Variants in NCAM2 observed in about 807,000 individuals in gnomAD.
NCAM2 encodes neural cell adhesion molecule 2, also known as N-CAM-2.
In NCAM2, 30 loss-of-function variants were observed where a neutral mutation model predicts 98.1. The observed-to-expected ratio is 0.31, with a 90% CI of 0.23 to 0.41. The LOEUF (loss-of-function observed/expected upper bound fraction) is 0.41. Ranked by LOEUF, NCAM2 falls within the 10% of genes least tolerant of loss-of-function variation. NCAM2 has a pLI of 1.00. For missense variants in NCAM2, 867 were observed against 1,005.8 expected, an observed-to-expected ratio of 0.86 and a Z score of 1.87; for synonymous variants, 368 against 342.4, an observed-to-expected ratio of 1.07 and a Z score of -0.83.
intron 1 of NCAM2, among the ~76,000 whole-genome samples, chr21:21,032,853 A>C (rs984594017): frequency 6.6e-6 from 1 of 152,214 alleles, no homozygotes; most frequent in African/African-American, 2.4e-5. Context: ...AAATGTATTT[A>C]AAACTTTGTC....
At chr21:21,005,086 A>C (rs1157791052) in intron 1 of NCAM2, among the ~76,000 whole-genome samples, 3 of 152,222 alleles carry the variant, frequency 2.0e-5, no homozygotes, top group Non-Finnish European at 4.4e-5. Context: ...GAGCCTCTGC[A>C]CTCAGTTCTG....
At chr21:21,351,040 G>C in intron 8 of NCAM2, among the ~76,000 whole-genome samples, 1 of 147,256 alleles carries the variant, frequency 6.8e-6, no homozygotes, top group East Asian at 2.0e-4. Flanking sequence ...CGTGAACGCG[G>C]GAGGCGGAGG....
intron 7 of NCAM2, among the ~76,000 whole-genome samples, chr21:21,336,913 G>A (rs1254689736): frequency 6.6e-6 from 1 of 152,170 alleles, no homozygotes; most frequent in Non-Finnish European, 1.5e-5. Flanking sequence ...ATGTTTAGGT[G>A]ATGTTCAGAA....
chr21:21,369,978 C>T (rs969156802), intron 8 of NCAM2, among the ~76,000 whole-genome samples: 2 of 151,652 alleles, frequency 1.3e-5, no homozygotes, highest in Non-Finnish European at 2.9e-5. Context: ...ACAGATTCTG[C>T]ACTCTTTAAC....
In NCAM2 at chr21:21,466,613, T is replaced by C. The variant is rs988821430; in HGVS notation, c.1662T>C (p.Val554=). The C allele has an allele frequency of 6.3e-7, 1 of 1,592,114 alleles. No homozygotes were observed. Among genetic ancestry groups the C allele is most frequent in the African/African-American group, 1.4e-5 (1 of 74,022 alleles). ...IVRSHGVQTM[V]VLNNLEPNTT... is the part of the protein sequence containing the mutation. ...GTTTTGTTTTTCTTCTAGCAATGGT[T>C]GTTTTGAACAACCTGGAACCAAATA... Residue 554 remains valine, a synonymous_variant, in exon 13 of 18, where the codon GTT becomes GTC. Transcript: ENST00000400546.
chr21:21,147,809 ATATC>A (rs1399770506), intron 1 of NCAM2, among the ~76,000 whole-genome samples: 1 of 149,868 alleles, frequency 6.7e-6, no homozygotes, highest in Non-Finnish European at 1.5e-5. Context: ...TTGAATATAT[ATATC>A]TGTTGATATG....
At chr21:21,353,607 G>T (rs537565071) in intron 8 of NCAM2, among the ~76,000 whole-genome samples, 1 of 152,126 alleles carries the variant, frequency 6.6e-6, no homozygotes, top group East Asian at 1.9e-4. Flanking sequence ...CTACCTATGA[G>T]GCACAAAATC....
At chr21:21,149,580 C>T (rs753457627) in intron 1 of NCAM2, among the ~76,000 whole-genome samples, 3 of 151,868 alleles carry the variant, frequency 2.0e-5, no homozygotes, top group East Asian at 1.9e-4. Context: ...CCCCACCCCC[C>T]GACAGGGCCC....
At chr21:21,311,174 A>C (rs1032695156) in intron 5 of NCAM2, among the ~76,000 whole-genome samples, 1 of 152,098 alleles carries the variant, frequency 6.6e-6, no homozygotes, top group Non-Finnish European at 1.5e-5. Context: ...TTTTAAAAGA[A>C]TTTTACTTTT....
At position 21,030,137 on chromosome 21, in the gene NCAM2, T is replaced by C. The variant is rs761066251; in HGVS notation, c.55+31519T>C. 3.9e-5 allele frequency among the ~76,000 whole-genome samples: 6 copies of C among 152,180 alleles called. 1 individual carries two copies. The highest frequency in any genetic ancestry group is 3.9e-4 in the Admixed American group (6 of 15,264). On this transcript the variant is annotated intron_variant, in intron 1 of 17. Coordinates refer to ENST00000400546, the MANE Select transcript of NCAM2 (RefSeq NM_004540.5). ...GTTATCTGGTTTTCTTTCCTATTTC[T>C]TGAACATTTACTATGCCAGAATACT...
intron 8 of NCAM2, among the ~76,000 whole-genome samples, chr21:21,350,205 A>G (rs986120156): frequency 2.6e-5 from 4 of 152,118 alleles, no homozygotes; most frequent in Non-Finnish European, 5.9e-5. Flanking sequence ...TATGTACCCC[A>G]AAACTTAAAA....
At chr21:21,411,039 T>TATAG (rs1209757636) in intron 10 of NCAM2, among the ~76,000 whole-genome samples, 1 of 69,132 alleles carries the variant, frequency 1.4e-5, no homozygotes, top group African/African-American at 5.2e-5. Flanking sequence ...TATACACACA[T>TATAG]ATATATATGT....
chr21:21,130,609 A>G (rs2066914287), intron 1 of NCAM2, among the ~76,000 whole-genome samples: 1 of 152,144 alleles, frequency 6.6e-6, no homozygotes, highest in South Asian at 2.1e-4. Flanking sequence ...ATGAATTACT[A>G]TGTTTATATT....
chr21:21,220,908 A>G (rs1305818223), intron 1 of NCAM2, among the ~76,000 whole-genome samples: 5 of 152,194 alleles, frequency 3.3e-5, no homozygotes, highest in Admixed American at 6.5e-5. Flanking sequence ...TGCTCTTGAC[A>G]GATATTTCAT....
At chr21:21,005,543 G>C (rs2146114913) in intron 1 of NCAM2, among the ~76,000 whole-genome samples, 1 of 151,846 alleles carries the variant, frequency 6.6e-6, no homozygotes, top group South Asian at 2.1e-4. Flanking sequence ...GGAAACTGTT[G>C]ATCTTTTTAT....
intron 5 of NCAM2, among the ~76,000 whole-genome samples, chr21:21,304,204 T>C (rs1012254572): frequency 1.3e-5 from 2 of 152,100 alleles, no homozygotes; most frequent in East Asian, 3.9e-4. Context: ...TACTAAGATT[T>C]TCCCCAATTC....
chr21:21,425,413 A>G lies in NCAM2; in HGVS notation c.1481-6695A>G, dbSNP rs77393254. On this transcript the variant is annotated intron_variant, in intron 11 of 17. Transcript: ENST00000400546. ...GAATGTTTGAATGGTTCATTGTGTT[A>G]TATTTGATTTGCTTATGACCCATTG... 1.0e-3 allele frequency among the ~76,000 whole-genome samples: 154 copies of G among 152,284 alleles called. 1 individual carries two copies. The East Asian group carries it at 0.027, about 26-fold the overall frequency.
In NCAM2 at chr21:21,521,711, G is replaced by GA. The variant is rs199726382; in HGVS notation, c.2282+12665dup. The stretch of plus-strand genomic sequence containing the variant: ...AAATGGAAAGGCAAAGAGGAAATAA[G>GA]AAAAAAAAAGACTCAAACAAACAAA... On this transcript the variant is annotated intron_variant, in intron 16 of 17. Coordinates refer to ENST00000400546, the MANE Select transcript of NCAM2 (RefSeq NM_004540.5). 2.1e-3 allele frequency among the ~76,000 whole-genome samples: 307 copies of GA among 148,196 alleles called. 1 individual carries two copies. The highest frequency in any genetic ancestry group is 7.2e-3 in the African/African-American group (293 of 40,424).
intron 15 of NCAM2, among the ~76,000 whole-genome samples, chr21:21,486,111 G>A (rs770516570): frequency 1.3e-5 from 2 of 151,974 alleles, no homozygotes; most frequent in Non-Finnish European, 2.9e-5. Flanking sequence ...AGACCATCCC[G>A]GCTAACACGG....
Sources: gnomAD v4.1 joint callset for allele counts (sites outside exome capture counted in the v4.1 genomes callset) on GRCh38, gnomAD v4.1.1 for gene constraint, MANE v1.5 for transcripts, NCBI Gene and HGNC (gene_info 2026-07-23, HGNC 2026-07-21) for gene names.